Variants in MPRIP observed in about 807,000 individuals in gnomAD.
The protein encoded by MPRIP is myosin phosphatase Rho interacting protein, also known as myosin phosphatase Rho-interacting protein.
A neutral mutation model predicts 234.9 loss-of-function variants in MPRIP; 59 were observed. The observed-to-expected ratio is 0.25, with a 90% CI of 0.20 to 0.31. The LOEUF is 0.31. Among genes scored for constraint, MPRIP ranks in the 10% least tolerant of loss-of-function variants. The pLI, the probability that MPRIP is intolerant of heterozygous loss-of-function variation, is 1.00. For missense variants in MPRIP, 2,436 were observed against 3,071.0 expected, an observed-to-expected ratio of 0.79 and a Z score of 4.89; for synonymous variants, 1,144 against 1,263.9, an observed-to-expected ratio of 0.91 and a Z score of 2.01.
chr17:17,172,455 C>T (rs1053973481), intron 17 of MPRIP, among the ~76,000 whole-genome samples: 2 of 150,892 alleles, frequency 1.3e-5, no homozygotes, highest in Non-Finnish European at 3.0e-5. Flanking sequence ...CTTCTAACAC[C>T]AAAAAAAAAG....
At chr17:17,110,429 A>C (rs904377545) in intron 3 of MPRIP, among the ~76,000 whole-genome samples, 10 of 152,272 alleles carry the variant, frequency 6.6e-5, no homozygotes, top group Admixed American at 5.9e-4. Flanking sequence ...TTAGTAAAGA[A>C]ATAAATAAAT....
At chr17:17,143,731 G>A (rs943861436) in intron 9 of MPRIP, 62 bp downstream of exon 9, 7 of 1,169,930 alleles carry the variant, frequency 6.0e-6, no homozygotes, top group East Asian at 2.7e-5. Flanking sequence ...ACTCTGAGGC[G>A]CTGTCTGTTT....
At chr17:17,102,294 C>T (rs1207761192) in intron 3 of MPRIP, among the ~76,000 whole-genome samples, 1 of 152,146 alleles carries the variant, frequency 6.6e-6, no homozygotes, top group Non-Finnish European at 1.5e-5. Context: ...TGTACAAGGC[C>T]CTTGCCTCTC....
At chr17:17,094,697 G>T (rs1371754289) in intron 3 of MPRIP, among the ~76,000 whole-genome samples, 1 of 146,714 alleles carries the variant, frequency 6.8e-6, no homozygotes, top group East Asian at 2.1e-4. Flanking sequence ...TGCAACCTCC[G>T]CCTCCCAGGT....
At chr17:17,099,641 C>T (rs753938738) in intron 3 of MPRIP, among the ~76,000 whole-genome samples, 140 of 152,226 alleles carry the variant, frequency 9.2e-4, no homozygotes, top group Non-Finnish European at 1.6e-3. Flanking sequence ...GCCAGAGGAT[C>T]GCTTGAGCCT....
chr17:17,053,199 C>G (rs896733777), intron 1 of MPRIP, among the ~76,000 whole-genome samples: 1 of 152,014 alleles, frequency 6.6e-6, no homozygotes, highest in South Asian at 2.1e-4. Flanking sequence ...CATTTCAGTG[C>G]GCCCAGGCAA....
chr17:17,140,276 CTCCTTT>C (rs1255586155), intron 7 of MPRIP, among the ~76,000 whole-genome samples: 6 of 152,120 alleles, frequency 3.9e-5, no homozygotes, highest in Admixed American at 3.9e-4. Flanking sequence ...CTCGGAGAGA[CTCCTTT>C]TGAACTCGTT....
chr17:17,185,856 G>C lies in MPRIP; in HGVS notation c.*962G>C. 1 of 281,738 alleles carries C rather than the reference G, an allele frequency of 3.5e-6. No homozygotes were observed. Among genetic ancestry groups the C allele is most frequent in the Non-Finnish European group, 7.0e-6 (1 of 143,490 alleles). The allele number at this position is 281,738 out of a possible 1,614,324, so 17.5% of individuals were successfully genotyped here. Reference sequence around the variant, plus strand: ...GAAAGTACAGAGGATGTCAGAATCTGATGAGAACAGCACATTAGTGTTTAT... The same window carrying C: ...GAAAGTACAGAGGATGTCAGAATCTCATGAGAACAGCACATTAGTGTTTAT... On this transcript the variant is annotated 3_prime_UTR_variant, in exon 24 of 24. Coordinates refer to ENST00000651222, the MANE Select transcript of MPRIP (RefSeq NM_001364716.4).
At chr17:17,047,713 T>C (rs1237717586) in intron 1 of MPRIP, among the ~76,000 whole-genome samples, 1 of 152,072 alleles carries the variant, frequency 6.6e-6, no homozygotes, top group African/African-American at 2.4e-5. Context: ...TTAACAGAGA[T>C]TGAGAAGAAC....
In MPRIP at chr17:17,154,302, G is replaced by C; in HGVS notation, c.1720-4G>C. 1 of 1,613,554 alleles carries C rather than the reference G, an allele frequency of 6.2e-7. No homozygotes were observed. Among genetic ancestry groups the C allele is most frequent in the African/African-American group, 1.3e-5 (1 of 75,034 alleles). On this transcript the variant is annotated splice_region_variant and splice_polypyrimidine_tract_variant and intron_variant, in intron 12 of 23. Coordinates refer to ENST00000651222, the MANE Select transcript of MPRIP (RefSeq NM_001364716.4). ...ACTGATGGTGCCTCATCTTTTCTCTGTAGACAAAGGAGGGCGAGTTTACCC... is the reference window on the plus strand; with the variant it reads ...ACTGATGGTGCCTCATCTTTTCTCTCTAGACAAAGGAGGGCGAGTTTACCC...
At chr17:17,122,124 T>C (rs1458823779) in intron 3 of MPRIP, among the ~76,000 whole-genome samples, 1 of 152,242 alleles carries the variant, frequency 6.6e-6, no homozygotes, top group Non-Finnish European at 1.5e-5. Context: ...TACATATGCA[T>C]GTGTCTTTAT....
At position 17,188,585 on chromosome 17, in the gene MPRIP, A is replaced by G. The variant is rs957486605; in HGVS notation, c.*3691A>G. 2 of 152,286 alleles carry G rather than the reference A, an allele frequency of 1.3e-5. No homozygotes were observed. The highest frequency in any genetic ancestry group is 2.9e-5 in the Non-Finnish European group (2 of 68,056). 9.4% of individuals were successfully genotyped at this position (152,286 alleles called of 1,614,324 possible). On this transcript the variant is annotated 3_prime_UTR_variant, in exon 24 of 24. Coordinates refer to ENST00000651222, the MANE Select transcript of MPRIP (RefSeq NM_001364716.4). ...GTGCCTGAAAGGAATACTGACAGAT[A>G]AGGCCGGAAACAAAACTGATGGCTT...
At position 17,166,996 on chromosome 17, in the gene MPRIP, C is replaced by T; in HGVS notation, c.5405C>T (p.Ser1802Phe). Reference protein sequence around the residue: ...LLEEIAAALPSLPPVESLRDC... With the variant: ...LLEEIAAALPFLPPVESLRDC... ...GAGGAGATAGCGGCTGCCTTACCAT[C>T]TCTGCCACCTGTGGAATCGCTGAGA... The change falls in exon 16 of 24, where the codon TCT becomes TTT. Residue 1802 changes from serine to phenylalanine, a missense_variant. By Grantham distance (155) the Ser-to-Phe change is radical. Around this residue, in one of 4 missense-constraint regions of MPRIP, gnomAD observed 1,998 missense variants for 2,520.3 expected, o/e 0.79. Transcript: ENST00000651222. This position sits in a 1 kb window ranked among gnomAD's most constrained non-coding sequence, Gnocchi z 4.4. The T allele has an allele frequency of 7.7e-7, 1 of 1,304,260 alleles. No homozygotes were observed. The highest frequency in any genetic ancestry group is 1.0e-6 in the Non-Finnish European group (1 of 988,950). The allele number at this position is 1,304,260 out of a possible 1,614,324, so 80.8% of individuals were successfully genotyped here. A position where few individuals can be genotyped will look rare whatever the true frequency, so the allele number is the denominator to read the frequency against.
In MPRIP at chr17:17,161,452, T is replaced by A. The variant is rs554638519; in HGVS notation, c.2517+96T>A. 53 of 710,946 alleles carry A rather than the reference T, an allele frequency of 7.5e-5. 1 individual carries two copies. In the South Asian group the frequency reaches 1.2e-3, roughly 16 times the overall value. The allele number at this position is 710,946 out of a possible 1,614,324, so 44.0% of individuals were successfully genotyped here. A position where few individuals can be genotyped will look rare whatever the true frequency, so the allele number is the denominator to read the frequency against. On this transcript the variant is annotated intron_variant, in intron 15 of 23. Transcript: ENST00000651222. The stretch of plus-strand genomic sequence containing the variant: ...AGGCTAGGAGTGTGCAAAACTTGGC[T>A]GAGCAGGGGTGTCTCCCAGGAGCTC...
chr17:17,184,740 GCGGTC>G, intron 23 of MPRIP, 78 bp from the exon 24 acceptor site: 3 of 1,021,568 alleles, frequency 2.9e-6, no homozygotes, highest in Non-Finnish European at 4.5e-6. Flanking sequence ...GGCTCCACCA[GCGGTC>G]CGGTCTGGTC....
chr17:17,139,259 A>G (rs1211362923), intron 7 of MPRIP, among the ~76,000 whole-genome samples: 20 of 152,224 alleles, frequency 1.3e-4, no homozygotes, highest in Non-Finnish European at 2.9e-4. Flanking sequence ...GCACGCCTTC[A>G]ATCAGGCTTG....
intron 3 of MPRIP, among the ~76,000 whole-genome samples, chr17:17,084,525 C>T (rs2089541207): frequency 1.3e-5 from 2 of 152,222 alleles, no homozygotes; most frequent in African/African-American, 4.8e-5. Context: ...TGCGAGGTGG[C>T]TCAACTAATG....
intron 3 of MPRIP, among the ~76,000 whole-genome samples, chr17:17,115,218 G>A (rs896168234): frequency 4.6e-5 from 7 of 152,240 alleles, no homozygotes; most frequent in South Asian, 2.1e-4. Context: ...GGATGGGAGC[G>A]GTAGCTCTGC....
In MPRIP at chr17:17,136,507, G is replaced by GCTGGCCC. The variant is rs939168287; in HGVS notation, c.736+58_736+64dup. 2.0e-6 allele frequency: 3 copies of GCTGGCCC among 1,516,222 alleles called. No homozygotes were observed. The African/African-American group carries it at 4.1e-5, about 21-fold the overall frequency. The allele number at this position is 1,516,222 out of a possible 1,614,324, so 93.9% of individuals were successfully genotyped here. A position where few individuals can be genotyped will look rare whatever the true frequency, so the allele number is the denominator to read the frequency against. On this transcript the variant is annotated intron_variant, in intron 6 of 23. Coordinates refer to ENST00000651222, the MANE Select transcript of MPRIP (RefSeq NM_001364716.4). ...GGGAATGGCCCTCCCTCCCATCAGA[G>GCTGGCCC]CTGGCCCTGGGGATTCAGCCAAGGC... is the stretch of plus-strand genomic sequence containing the variant.
Sources: allele counts gnomAD v4.1 joint callset (sites outside exome capture counted in the v4.1 genomes callset), GRCh38; gene constraint gnomAD v4.1.1; regional missense constraint gnomAD v4.1.1; non-coding constraint Gnocchi (gnomAD v3.1); transcripts MANE v1.5; gene names NCBI Gene and HGNC (gene_info 2026-07-23, HGNC 2026-07-21).